The following RNF217 variants were observed in gnomAD, a reference collection of about 807,000 sequenced individuals.
RNF217 encodes E3 ubiquitin-protein ligase RNF217.
A neutral mutation model predicts 57.8 loss-of-function variants in RNF217; 31 were observed. The observed-to-expected ratio is 0.54, with a 90% CI of 0.40 to 0.72. The LOEUF (loss-of-function observed/expected upper bound fraction) is 0.72, where lower values mean the gene tolerates loss of function less well. Among genes scored for constraint, RNF217 ranks in the 30% least tolerant of loss-of-function variants. RNF217 has a pLI of 0.00. For synonymous variants in RNF217, 313 were observed against 294.0 expected (o/e 1.06, Z -0.66); for missense variants, 696 against 708.3 (o/e 0.98, Z 0.20).
rs1223076937 is a variant in RNF217 at position 124,986,398 on chromosome 6, C to A, written c.882+22972C>A. On this transcript the variant is annotated intron_variant, in intron 1 of 5. Coordinates refer to ENST00000521654, the MANE Select transcript of RNF217 (RefSeq NM_001286398.3). ...CTTCCTTTGATGTCATATTCAAGTA[C>A]TGATCTTAAGCTGTCCTTTGGGTTT... Among the ~76,000 whole-genome samples, 5 of 152,318 alleles carry A rather than the reference C, an allele frequency of 3.3e-5. No individual in the cohort carries two copies. In the East Asian group the frequency reaches 7.7e-4, roughly 24 times the overall value.
chr6:125,065,402 C>T (rs1220281820), intron 3 of RNF217, among the ~76,000 whole-genome samples: 1 of 151,944 alleles, frequency 6.6e-6, no homozygotes, highest in Non-Finnish European at 1.5e-5. Flanking sequence ...TATGAATGTC[C>T]GATGCATTTA....
intron 2 of RNF217, among the ~76,000 whole-genome samples, chr6:125,049,734 A>G (rs1378207012): frequency 6.6e-6 from 1 of 151,908 alleles, no homozygotes; most frequent in Non-Finnish European, 1.5e-5. Flanking sequence ...AGAATGAGCA[A>G]CCCTGGGTAT....
chr6:125,035,375 A>G (rs1438603971), intron 1 of RNF217, among the ~76,000 whole-genome samples: 1 of 152,158 alleles, frequency 6.6e-6, no homozygotes, highest in Non-Finnish European at 1.5e-5. Flanking sequence ...TCTACAAGCC[A>G]GAAGAGAGTG....
At chr6:124,993,031 T>C (rs1019859757) in intron 1 of RNF217, among the ~76,000 whole-genome samples, 6 of 152,208 alleles carry the variant, frequency 3.9e-5, no homozygotes, top group African/African-American at 1.2e-4. Flanking sequence ...TTGCCTATAG[T>C]AGTATTATTG....
intron 1 of RNF217, among the ~76,000 whole-genome samples, chr6:125,007,037 T>C (rs1785210728): frequency 6.6e-6 from 1 of 151,808 alleles, no homozygotes; most frequent in African/African-American, 2.4e-5. Context: ...AATTATTAAG[T>C]ATGTAAATAA....
intron 1 of RNF217, among the ~76,000 whole-genome samples, chr6:124,963,657 A>G (rs1783404224): frequency 6.6e-6 from 1 of 152,246 alleles, no homozygotes; most frequent in African/African-American, 2.4e-5. Context: ...GCATGTGTAG[A>G]AGGCACAAGA....
At chr6:125,043,712 G>A (rs75761367) in intron 1 of RNF217, among the ~76,000 whole-genome samples, 8,695 of 152,048 alleles carry the variant, frequency 0.057, 344 homozygotes, top group Middle Eastern at 0.085. Flanking sequence ...AATTATAATA[G>A]CATCGTAACA....
chr6:124,967,952 G>A (rs1343322086), intron 1 of RNF217, among the ~76,000 whole-genome samples: 1 of 151,992 alleles, frequency 6.6e-6, no homozygotes, highest in Non-Finnish European at 1.5e-5. Context: ...CTAATTTTTT[G>A]TATTTTTAGT....
Position 125,087,749 on chromosome 6 carries a change from A to G in RNF217, c.*4812A>G, listed in dbSNP as rs1274859275. 1.3e-5 allele frequency: 2 copies of G among 152,094 alleles called. No homozygotes were observed. Among genetic ancestry groups the G allele is most frequent in the Admixed American group, 6.6e-5 (1 of 15,254 alleles). The allele number at this position is 152,094 out of a possible 1,614,324, so 9.4% of individuals were successfully genotyped here. A position where few individuals can be genotyped will look rare whatever the true frequency, so the allele number is the denominator to read the frequency against. On this transcript the variant is annotated 3_prime_UTR_variant, in exon 6 of 6. Transcript: ENST00000521654. ...TGTAGTAATCTTGGAATGGTTATCA[A>G]ACCTAGCAAATAATACTTAATAAGT...
At chr6:124,993,152 G>C (rs901536413) in intron 1 of RNF217, among the ~76,000 whole-genome samples, 1 of 152,080 alleles carries the variant, frequency 6.6e-6, no homozygotes, top group Non-Finnish European at 1.5e-5. Context: ...GGCCAGTTAT[G>C]CCTAAAGTTG....
rs1787054928 is a variant in RNF217 at position 125,045,311 on chromosome 6, T to C, written c.983T>C (p.Ile328Thr). 1.2e-6 allele frequency: 2 copies of C among 1,613,042 alleles called. No individual in the cohort carries two copies. Among genetic ancestry groups the C allele is most frequent in the Non-Finnish European group, 1.7e-6 (2 of 1,179,378 alleles). Reference sequence around the variant, plus strand: ...TATAACTTAACGCATGAAGACTCCATCAAGTATAAGTACTTCTTGGAACTT... The same window carrying C: ...TATAACTTAACGCATGAAGACTCCACCAAGTATAAGTACTTCTTGGAACTT... ...VVYNLTHEDS[I>T]KYKYFLELGR... The change falls in exon 2 of 6, where the codon ATC becomes ACC. Residue 328 changes from isoleucine (I) to threonine (T), a missense_variant. Coordinates refer to ENST00000521654, the MANE Select transcript of RNF217 (RefSeq NM_001286398.3).
At chr6:125,046,609 A>G (rs1014772795) in intron 2 of RNF217, 1 of 455,942 alleles carries the variant, frequency 2.2e-6, no homozygotes, top group Non-Finnish European at 4.4e-6. Flanking sequence ...CATTACAGCA[A>G]AATGGCAGGA....
At chr6:125,030,747 C>T (rs979287466) in intron 1 of RNF217, among the ~76,000 whole-genome samples, 8 of 152,084 alleles carry the variant, frequency 5.3e-5, no homozygotes, top group African/African-American at 1.2e-4. Flanking sequence ...TGAGTGTCTG[C>T]GGCTTTTCCA....
intron 2 of RNF217, among the ~76,000 whole-genome samples, chr6:125,045,769 G>T (rs893188359): frequency 2.0e-5 from 3 of 151,788 alleles, no homozygotes; most frequent in Non-Finnish European, 2.9e-5. Flanking sequence ...TATTATTATG[G>T]ACTTGATTTT....
intron 4 of RNF217, 37 bp downstream of exon 4, chr6:125,076,895 G>T: frequency 6.5e-7 from 1 of 1,549,396 alleles, no homozygotes; most frequent in South Asian, 1.1e-5. Flanking sequence ...TCTTCCCTGG[G>T]AATTAAGTAG....
intron 1 of RNF217, among the ~76,000 whole-genome samples, chr6:125,044,217 G>A (rs1308147161): frequency 1.3e-5 from 2 of 151,980 alleles, no homozygotes; most frequent in East Asian, 1.9e-4. Flanking sequence ...AAAAAGAAAG[G>A]GTTTGGTGTT....
chr6:125,013,351 ATGTG>A (rs61504994), intron 1 of RNF217, among the ~76,000 whole-genome samples: 66,711 of 140,874 alleles, frequency 0.47, 15,539 homozygotes, highest in South Asian at 0.57. Context: ...TGTTTTGTGT[ATGTG>A]TGTGTGTGTG....
At position 125,090,718 on chromosome 6, in the gene RNF217, G is replaced by A. The variant is rs184847288; in HGVS notation, c.*7781G>A. On this transcript the variant is annotated 3_prime_UTR_variant, in exon 6 of 6. Coordinates refer to ENST00000521654, the MANE Select transcript of RNF217 (RefSeq NM_001286398.3). Reference sequence around the variant, plus strand: ...ATATTTTTAGTTTTCTATAAAATTTGCAGCCATTTTCCAAATAAAGTAAGT... The same window carrying A: ...ATATTTTTAGTTTTCTATAAAATTTACAGCCATTTTCCAAATAAAGTAAGT... 1.7e-3 allele frequency: 262 copies of A among 151,912 alleles called. 4 individuals carry two copies. The highest frequency in any genetic ancestry group is 6.2e-3 in the African/African-American group (256 of 41,516). 9.4% of individuals were successfully genotyped at this position (151,912 alleles called of 1,614,324 possible).
intron 1 of RNF217, among the ~76,000 whole-genome samples, chr6:125,002,608 C>T (rs1002979144): frequency 2.6e-5 from 4 of 152,128 alleles, no homozygotes; most frequent in Non-Finnish European, 5.9e-5. Flanking sequence ...CCGTTTTCCT[C>T]TTCTTGCTTT....
Sources: gnomAD v4.1 joint callset for allele counts (sites outside exome capture counted in the v4.1 genomes callset) on GRCh38, gnomAD v4.1.1 for gene constraint, MANE v1.5 for transcripts, NCBI Gene and HGNC (gene_info 2026-07-23, HGNC 2026-07-21) for gene names.